The following SPMIP4 variants were observed in gnomAD, a reference collection of about 807,000 sequenced individuals.
SPMIP4 encodes sperm microtubule inner protein 4.
At chr7:25,160,226 T>C in the SPMIP4 span, among the ~76,000 whole-genome samples, 3 of 65,846 alleles carry the variant, frequency 4.6e-5, no homozygotes, top group African/African-American at 9.4e-5. Context: ...AATTTTTACC[T>C]ATCAACAACT....
the SPMIP4 span, among the ~76,000 whole-genome samples, chr7:25,139,579 C>T: frequency 2.0e-5 from 3 of 152,216 alleles, no homozygotes; most frequent in South Asian, 4.1e-4. Context: ...GACTTAGGAA[C>T]ATCCTTTTGA....
the SPMIP4 span, among the ~76,000 whole-genome samples, chr7:25,159,749 C>T: frequency 6.6e-6 from 1 of 151,962 alleles, no homozygotes; most frequent in Non-Finnish European, 1.5e-5. Context: ...GGGCACGAAA[C>T]TAAAAAAAGC....
At chr7:25,178,693 C>T in the SPMIP4 span, among the ~76,000 whole-genome samples, 1 of 152,170 alleles carries the variant, frequency 6.6e-6, no homozygotes, top group Non-Finnish European at 1.5e-5. Context: ...TCCTTACAGA[C>T]ACTTGAAGGT....
chr7:25,157,389 G>T, the SPMIP4 span, among the ~76,000 whole-genome samples: 2 of 152,206 alleles, frequency 1.3e-5, no homozygotes, highest in Non-Finnish European at 2.9e-5. Context: ...ACTTCTTCTA[G>T]AGTGCAGTGT....
the SPMIP4 span, among the ~76,000 whole-genome samples, chr7:25,147,919 C>A: frequency 0.011 from 1,736 of 152,244 alleles, 39 homozygotes; most frequent in African/African-American, 0.039. Flanking sequence ...ACCCAGGTCA[C>A]AGAACTGATA....
the SPMIP4 span, chr7:25,155,157 T>C: frequency 1.9e-6 from 3 of 1,583,612 alleles, no homozygotes; most frequent in Non-Finnish European, 2.6e-6. Flanking sequence ...GTGTGTGTGG[T>C]AGGGGTGTTC....
chr7:25,136,133 G>C, the SPMIP4 span: 1 of 1,614,156 alleles, frequency 6.2e-7, no homozygotes, highest in Non-Finnish European at 8.5e-7. The surrounding 1 kb of genome is among the most constrained non-coding windows in gnomAD (Gnocchi z 5.7). Context: ...AGGTTGGTCT[G>C]AGGTTTGGTC....
the SPMIP4 span, among the ~76,000 whole-genome samples, chr7:25,141,442 C>T: frequency 6.6e-6 from 1 of 151,760 alleles, no homozygotes; most frequent in South Asian, 2.1e-4. Context: ...TGTGGTGGTG[C>T]GTGCCTGTAA....
the SPMIP4 span, among the ~76,000 whole-genome samples, chr7:25,128,550 G>A: frequency 6.6e-6 from 1 of 152,184 alleles, no homozygotes; most frequent in Non-Finnish European, 1.5e-5. The surrounding 1 kb of genome is among the most constrained non-coding windows in gnomAD (Gnocchi z 4.5). Flanking sequence ...TCTTCAGTCA[G>A]CTTGTGATAA....
the SPMIP4 span, among the ~76,000 whole-genome samples, chr7:25,163,610 G>A: frequency 6.6e-6 from 1 of 152,172 alleles, no homozygotes; most frequent in Non-Finnish European, 1.5e-5. The surrounding 1 kb of genome is among the most constrained non-coding windows in gnomAD (Gnocchi z 4.4). Flanking sequence ...TGGACTCAGT[G>A]ACATGAACTT....
the SPMIP4 span, among the ~76,000 whole-genome samples, chr7:25,126,429 G>A: frequency 8.6e-5 from 13 of 151,686 alleles, no homozygotes; most frequent in East Asian, 1.9e-4. Flanking sequence ...CACCCGCATC[G>A]GCCTCCCAAA....
the SPMIP4 span, among the ~76,000 whole-genome samples, chr7:25,178,185 TG>T: frequency 8.5e-5 from 13 of 152,374 alleles, no homozygotes; most frequent in African/African-American, 3.1e-4. Flanking sequence ...ATATGTACCA[TG>T]TTTTCTTTAT....
At chr7:25,177,382 C>T in the SPMIP4 span, among the ~76,000 whole-genome samples, 1 of 151,402 alleles carries the variant, frequency 6.6e-6, no homozygotes, top group South Asian at 2.1e-4. Context: ...ACTCAGGAGG[C>T]TGAGGCAGGA....
At chr7:25,160,042 GA>G in the SPMIP4 span, among the ~76,000 whole-genome samples, 14 of 151,698 alleles carry the variant, frequency 9.2e-5, no homozygotes, top group Non-Finnish European at 1.9e-4. Flanking sequence ...TTCAAGATCT[GA>G]AAAGATAAAA....
the SPMIP4 span, among the ~76,000 whole-genome samples, chr7:25,149,316 G>T: frequency 6.6e-6 from 1 of 152,066 alleles, no homozygotes; most frequent in African/African-American, 2.4e-5. Context: ...ATGACAAAAG[G>T]CAGGAAAAAT....
the SPMIP4 span, among the ~76,000 whole-genome samples, chr7:25,145,601 C>G: frequency 1.3e-5 from 2 of 152,232 alleles, no homozygotes; most frequent in South Asian, 4.1e-4. Flanking sequence ...GGAAGATAAG[C>G]CTACGGCAGA....
At chr7:25,159,243 C>T in the SPMIP4 span, among the ~76,000 whole-genome samples, 8 of 152,208 alleles carry the variant, frequency 5.3e-5, no homozygotes, top group Non-Finnish European at 1.2e-4. Flanking sequence ...ACCATGTATG[C>T]TTTCTACCTT....
At chr7:25,136,877 TTGTC>T in the SPMIP4 span, 22 of 1,335,504 alleles carry the variant, frequency 1.6e-5, no homozygotes, top group South Asian at 5.4e-5. The surrounding 1 kb of genome is among the most constrained non-coding windows in gnomAD (Gnocchi z 5.7). Context: ...CCCATTTTCA[TTGTC>T]TGAGTACACG....
At chr7:25,161,353 CCACATATATGTAG>C in the SPMIP4 span, 1 of 600,712 alleles carries the variant, frequency 1.7e-6, no homozygotes, top group Non-Finnish European at 2.8e-6. Flanking sequence ...AATAACATAT[CCACATATATGTAG>C]AAATTCAATA....
Sources: gnomAD v4.1 joint callset for allele counts (sites outside exome capture counted in the v4.1 genomes callset) on GRCh38, gnomAD v4.1.1 for gene constraint, Gnocchi (gnomAD v3.1) non-coding constraint, MANE v1.5 for transcripts, NCBI Gene and HGNC (gene_info 2026-07-23, HGNC 2026-07-21) for gene names.